Variants in SLC7A1 observed in about 807,000 individuals in gnomAD.
SLC7A1 encodes the protein solute carrier family 7 member 1.
In SLC7A1, 10 loss-of-function variants were observed where a neutral mutation model predicts 53.9. The observed-to-expected ratio is 0.19, with a 90% CI of 0.11 to 0.31. SLC7A1 has a LOEUF of 0.31. SLC7A1 is among the 10% of genes least tolerant of loss of function. The pLI is 1.00. For synonymous variants in SLC7A1, 342 were observed against 338.7 expected (o/e 1.01, Z -0.11); for missense variants, 525 against 827.2 (o/e 0.63, Z 4.48).
chr13:29,594,201 C>T (rs1385037727), intron 1 of SLC7A1, among the ~76,000 whole-genome samples: 2 of 152,234 alleles, frequency 1.3e-5, no homozygotes, highest in African/African-American at 2.4e-5. Context: ...GAATTAAATA[C>T]AATTAGGGCA....
rs771167957 is a variant in SLC7A1 at position 29,524,208 on chromosome 13, G to C, written c.750C>G (p.Phe250Leu). 5 of 1,614,046 alleles carry C rather than the reference G, an allele frequency of 3.1e-6. No individual in the cohort carries two copies. Among genetic ancestry groups the C allele is most frequent in the East Asian group, 4.5e-5 (2 of 44,894 alleles). ...GKPGVGGFMP[F>L]GFSGVLSGAA... ...CCCCCGACAGGACACCAGAGAACCC[G>C]AAGGGCATGAATCCACCAACACCGG... Residue 250 changes from phenylalanine (F) to leucine (L), a missense_variant, in exon 6 of 13, where the codon TTC becomes TTG. Around this residue, in one of 4 missense-constraint regions of SLC7A1, gnomAD observed 354 missense variants for 587.5 expected, o/e 0.60. Transcript: ENST00000380752.
chr13:29,579,105 A>G (rs1871534886), intron 1 of SLC7A1, among the ~76,000 whole-genome samples: 1 of 152,346 alleles, frequency 6.6e-6, no homozygotes, highest in Middle Eastern at 3.4e-3. Context: ...GAAATGCTTC[A>G]TCCTCAATTC....
At position 29,578,668 on chromosome 13, in the gene SLC7A1, C is replaced by T. The variant is rs556086490; in HGVS notation, c.-115+16748G>A. ...GAGAGGACACGGCAAGCTACTGGTTCAACCGGGCACCCCGGGTAGCTCTTG... is the reference window on the plus strand; with the variant it reads ...GAGAGGACACGGCAAGCTACTGGTTTAACCGGGCACCCCGGGTAGCTCTTG... On this transcript the variant is annotated intron_variant, in intron 1 of 12. Transcript: ENST00000380752. 4.6e-5 allele frequency among the ~76,000 whole-genome samples: 7 copies of T among 152,374 alleles called. No individual in the cohort carries two copies. In the South Asian group the frequency reaches 1.4e-3, roughly 32 times the overall value.
intron 1 of SLC7A1, among the ~76,000 whole-genome samples, chr13:29,562,025 T>A (rs765247249): frequency 3.3e-5 from 5 of 152,228 alleles, no homozygotes; most frequent in Non-Finnish European, 7.3e-5. Flanking sequence ...CACAAATGGA[T>A]GGTACTAGAA....
intron 1 of SLC7A1, among the ~76,000 whole-genome samples, chr13:29,573,323 T>C (rs545446364): frequency 1.3e-5 from 2 of 152,270 alleles, no homozygotes; most frequent in South Asian, 4.1e-4. Flanking sequence ...AACTTGGATG[T>C]GGAGCACACC....
intron 1 of SLC7A1, among the ~76,000 whole-genome samples, chr13:29,582,877 C>T (rs1380200292): frequency 1.3e-5 from 2 of 152,206 alleles, no homozygotes; most frequent in African/African-American, 4.8e-5. Context: ...CCTACTGCCA[C>T]TTCTGCCCAA....
At chr13:29,555,229 G>A (rs887238910) in intron 1 of SLC7A1, among the ~76,000 whole-genome samples, 2 of 146,468 alleles carry the variant, frequency 1.4e-5, no homozygotes, top group Non-Finnish European at 1.5e-5. Context: ...GTAGTGGCGG[G>A]CGCCTGTAGT....
chr13:29,569,712 A>G (rs1372930278), intron 1 of SLC7A1, among the ~76,000 whole-genome samples: 2 of 152,242 alleles, frequency 1.3e-5, no homozygotes, highest in African/African-American at 4.8e-5. Flanking sequence ...CTTCAATGTA[A>G]TGCAATAACA....
chr13:29,553,546 G>A (rs1870295804), intron 2 of SLC7A1, among the ~76,000 whole-genome samples: 1 of 152,172 alleles, frequency 6.6e-6, no homozygotes, highest in African/African-American at 2.4e-5. Context: ...GAGAAGACAA[G>A]CTTGTTTTCT....
intron 1 of SLC7A1, among the ~76,000 whole-genome samples, chr13:29,580,197 G>A (rs1486466563): frequency 1.3e-5 from 2 of 152,140 alleles, no homozygotes; most frequent in Non-Finnish European, 1.5e-5. Flanking sequence ...TGGGGTGAAG[G>A]TCTCTCTAAC....
At chr13:29,565,768 C>T (rs1870942470) in intron 1 of SLC7A1, among the ~76,000 whole-genome samples, 1 of 152,182 alleles carries the variant, frequency 6.6e-6, no homozygotes, top group African/African-American at 2.4e-5. Flanking sequence ...TGGGCTCCCC[C>T]AGGATGCAGA....
intron 2 of SLC7A1, among the ~76,000 whole-genome samples, chr13:29,550,911 C>G (rs749133594): frequency 6.6e-6 from 1 of 152,172 alleles, no homozygotes; most frequent in African/African-American, 2.4e-5. Context: ...TCACTGAATC[C>G]TTGGGGGGCT....
At chr13:29,517,121 C>T (rs1279653822) in intron 11 of SLC7A1, 23 bp downstream of exon 11, 2 of 1,566,788 alleles carry the variant, frequency 1.3e-6, no homozygotes, top group African/African-American at 1.4e-5. Context: ...ACCAGGGTTC[C>T]TTCCCTAGGC....
chr13:29,546,264 G>A (rs563689476), intron 2 of SLC7A1, among the ~76,000 whole-genome samples: 4 of 152,262 alleles, frequency 2.6e-5, no homozygotes, highest in South Asian at 2.1e-4. Context: ...CACTGCATTC[G>A]GGCCTTGGAA....
chr13:29,561,500 G>A (rs1870754160), intron 1 of SLC7A1, among the ~76,000 whole-genome samples: 1 of 152,174 alleles, frequency 6.6e-6, no homozygotes, highest in Non-Finnish European at 1.5e-5. Context: ...GTGTCAGAGT[G>A]TTGTAAAAAG....
chr13:29,585,024 C>T (rs1391003500), intron 1 of SLC7A1, among the ~76,000 whole-genome samples: 1 of 152,186 alleles, frequency 6.6e-6, no homozygotes, highest in Admixed American at 6.5e-5. Context: ...TCACATACAG[C>T]CTGACCAGGC....
chr13:29,522,494 C>T, intron 7 of SLC7A1, 38 bp from the exon 8 acceptor site: 1 of 1,612,476 alleles, frequency 6.2e-7, no homozygotes, highest in South Asian at 1.1e-5. Flanking sequence ...GTGAACCTGG[C>T]TCATAAGGGA....
At chr13:29,549,581 G>A (rs762845671) in intron 2 of SLC7A1, among the ~76,000 whole-genome samples, 1 of 152,160 alleles carries the variant, frequency 6.6e-6, no homozygotes, top group African/African-American at 2.4e-5. Context: ...AATCAAAATT[G>A]TTCCTTTTTT....
intron 6 of SLC7A1, 97 bp from the exon 7 acceptor site, chr13:29,523,585 G>A (rs1033184372): frequency 2.3e-5 from 20 of 888,122 alleles, no homozygotes; most frequent in African/African-American, 6.6e-5. Context: ...CGGAACCCAC[G>A]TGACCCTACG....
Sources: allele counts gnomAD v4.1 joint callset (sites outside exome capture counted in the v4.1 genomes callset), GRCh38; gene constraint gnomAD v4.1.1; regional missense constraint gnomAD v4.1.1; transcripts MANE v1.5; gene names NCBI Gene and HGNC (gene_info 2026-07-23, HGNC 2026-07-21).